Variants in KDM4C observed in about 807,000 individuals in gnomAD.
KDM4C encodes the protein lysine-specific demethylase 4C.
Under a neutral mutation model 129.3 loss-of-function variants are expected in KDM4C, and 81 were observed. The observed-to-expected ratio is 0.63, with a 90% CI of 0.52 to 0.75. The LOEUF (loss-of-function observed/expected upper bound fraction) is 0.75, where lower values mean the gene tolerates loss of function less well. Among genes scored for constraint, KDM4C ranks in the 30% least tolerant of loss-of-function variants. The pLI is 0.00. For missense variants in KDM4C, 1,457 were observed against 1,304.0 expected (o/e 1.12, Z -1.81); for synonymous variants, 573 against 456.1 (o/e 1.26, Z -3.26).
intron 17 of KDM4C, among the ~76,000 whole-genome samples, chr9:7,101,906 G>A (rs1765583107): frequency 6.6e-6 from 1 of 152,134 alleles, no homozygotes; most frequent in African/African-American, 2.4e-5. Context: ...GCTCCTGATA[G>A]GAGTTTTTGC....
At chr9:6,799,840 T>A (rs1168738504) in intron 2 of KDM4C, among the ~76,000 whole-genome samples, 1 of 151,910 alleles carries the variant, frequency 6.6e-6, no homozygotes, top group Admixed American at 6.6e-5. Flanking sequence ...CCTTTCAATA[T>A]GTCATCAAAA....
chr9:6,747,183 A>G (rs990821411), intron 1 of KDM4C, among the ~76,000 whole-genome samples: 1 of 149,026 alleles, frequency 6.7e-6, no homozygotes, highest in Non-Finnish European at 1.5e-5. Flanking sequence ...ATAGAGCAAG[A>G]CTCTGTCTCC....
At chr9:7,009,133 A>G (rs923121842) in intron 12 of KDM4C, among the ~76,000 whole-genome samples, 1 of 152,242 alleles carries the variant, frequency 6.6e-6, no homozygotes, top group African/African-American at 2.4e-5. Flanking sequence ...ACAGATAGAC[A>G]ACTAAATGAA....
intron 5 of KDM4C, among the ~76,000 whole-genome samples, chr9:6,864,265 G>A (rs1841518575): frequency 6.6e-6 from 1 of 151,162 alleles, no homozygotes; most frequent in African/African-American, 2.5e-5. Context: ...GGACAGCTTT[G>A]CTGGTTTCAG....
chr9:6,805,227 A>G (rs1230265820), intron 2 of KDM4C, among the ~76,000 whole-genome samples: 1 of 152,180 alleles, frequency 6.6e-6, no homozygotes, highest in Non-Finnish European at 1.5e-5. Flanking sequence ...GCAGGTTAAC[A>G]TAATCGCTCA....
chr9:7,065,782 A>G (rs572973314), intron 17 of KDM4C, among the ~76,000 whole-genome samples: 2 of 152,338 alleles, frequency 1.3e-5, no homozygotes, highest in African/African-American at 4.8e-5. Context: ...ATTTATTTTA[A>G]TAAGTGTCAC....
intron 15 of KDM4C, among the ~76,000 whole-genome samples, chr9:7,024,207 G>C (rs995975386): frequency 6.7e-6 from 1 of 149,922 alleles, no homozygotes; most frequent in Admixed American, 6.6e-5. Context: ...TGGAGGATCT[G>C]TCCATTGCTG....
intron 8 of KDM4C, among the ~76,000 whole-genome samples, chr9:6,954,414 T>C (rs969692115): frequency 5.9e-5 from 9 of 152,192 alleles, no homozygotes; most frequent in African/African-American, 1.9e-4. Flanking sequence ...CAGCTCATAA[T>C]TGTTTGTTAT....
intron 17 of KDM4C, among the ~76,000 whole-genome samples, chr9:7,088,916 TG>T (rs1351092085): frequency 6.6e-6 from 1 of 152,234 alleles, no homozygotes; most frequent in Non-Finnish European, 1.5e-5. Flanking sequence ...TTCACATTTT[TG>T]TAGGATCTGG....
chr9:6,923,557 C>A (rs1821934055), intron 8 of KDM4C, among the ~76,000 whole-genome samples: 1 of 152,108 alleles, frequency 6.6e-6, no homozygotes, highest in Non-Finnish European at 1.5e-5. Context: ...TCCATGAATT[C>A]CAAGAATTGT....
intron 8 of KDM4C, among the ~76,000 whole-genome samples, chr9:6,903,061 A>G (rs1817675109): frequency 6.6e-6 from 1 of 152,164 alleles, no homozygotes; most frequent in Non-Finnish European, 1.5e-5. Context: ...TATTTCCCAC[A>G]TCAGTTTCAT....
At chr9:6,854,621 T>C (rs1299604799) in intron 5 of KDM4C, among the ~76,000 whole-genome samples, 2 of 151,560 alleles carry the variant, frequency 1.3e-5, no homozygotes, top group Admixed American at 1.3e-4. Flanking sequence ...TGTTTTAAGC[T>C]GTGAAAAGGT....
chr9:6,749,177 G>A (rs896428469), intron 1 of KDM4C, among the ~76,000 whole-genome samples: 34 of 152,054 alleles, frequency 2.2e-4, no homozygotes, highest in Admixed American at 1.7e-3. Flanking sequence ...GCACCACCAC[G>A]CCCGGCTAAT....
intron 4 of KDM4C, among the ~76,000 whole-genome samples, chr9:6,816,267 C>T (rs1188036871): frequency 6.6e-6 from 1 of 152,074 alleles, no homozygotes; most frequent in Non-Finnish European, 1.5e-5. Flanking sequence ...ATAAAACAAG[C>T]TAGAAAGTGC....
chr9:6,869,815 A>G (rs1842590608), intron 5 of KDM4C, among the ~76,000 whole-genome samples: 1 of 152,248 alleles, frequency 6.6e-6, no homozygotes, highest in Admixed American at 6.5e-5. Context: ...CATCCCCTAT[A>G]GCCATGCTTT....
At chr9:7,071,205 CATT>C (rs1187985734) in intron 17 of KDM4C, among the ~76,000 whole-genome samples, 3 of 152,176 alleles carry the variant, frequency 2.0e-5, no homozygotes, top group African/African-American at 7.2e-5. Flanking sequence ...TTGGAAGACA[CATT>C]GTTGTTAAAA....
rs1300882855 is a variant in KDM4C, at chr9:6,758,718, C to T, written c.-18+515C>T. On this transcript the variant is annotated intron_variant, in intron 1 of 21. Transcript: ENST00000381309. The surrounding 1 kb of genome is among the most constrained non-coding windows in gnomAD (Gnocchi z 4.6). ...GGTCGTCTTCAGCCCTCGCGGCTGT[C>T]CTTTTGGTGTTTCTTTCCCCCGGCA... is the stretch of plus-strand genomic sequence containing the variant. Among the ~76,000 whole-genome samples, 6 of 152,236 alleles carry T rather than the reference C, an allele frequency of 3.9e-5. No individual in the cohort carries two copies. The highest frequency in any genetic ancestry group is 2.1e-4 in the South Asian group (1 of 4,834).
At chr9:6,980,542 A>G (rs1020977700) in intron 8 of KDM4C, among the ~76,000 whole-genome samples, 13 of 152,288 alleles carry the variant, frequency 8.5e-5, no homozygotes, top group African/African-American at 3.1e-4. Context: ...TCATTGGGTT[A>G]TTTTATTTGT....
intron 12 of KDM4C, among the ~76,000 whole-genome samples, chr9:6,996,142 T>C (rs1184879394): frequency 6.6e-6 from 1 of 152,262 alleles, no homozygotes; most frequent in Non-Finnish European, 1.5e-5. Flanking sequence ...TATCTCTGTT[T>C]GTTGCCTTGC....
Sources: allele counts gnomAD v4.1 joint callset (sites outside exome capture counted in the v4.1 genomes callset), GRCh38; gene constraint gnomAD v4.1.1; non-coding constraint Gnocchi (gnomAD v3.1); transcripts MANE v1.5; gene names NCBI Gene and HGNC (gene_info 2026-07-23, HGNC 2026-07-21).